Variants in UBE2E2 observed in about 807,000 individuals in gnomAD.
UBE2E2 encodes ubiquitin conjugating enzyme E2 E2, also known as ubiquitin-conjugating enzyme E2 E2.
Under a neutral mutation model 24.7 loss-of-function variants are expected in UBE2E2, and 6 were observed. That is an observed-to-expected ratio of 0.24 (90% CI 0.13 to 0.48). The LOEUF (loss-of-function observed/expected upper bound fraction) is 0.48. Ranked by LOEUF, UBE2E2 falls within the 20% of genes least tolerant of loss-of-function variation. UBE2E2 has a pLI of 0.99. For synonymous variants in UBE2E2, 104 were observed against 83.6 expected, an observed-to-expected ratio of 1.24 and a Z score of -1.33; for missense variants, 169 against 245.0, an observed-to-expected ratio of 0.69 and a Z score of 2.07.
At chr3:23,515,695 G>A (rs1326390205) in intron 4 of UBE2E2, among the ~76,000 whole-genome samples, 3 of 151,864 alleles carry the variant, frequency 2.0e-5, no homozygotes, top group Non-Finnish European at 4.4e-5. Context: ...AGTGGCTAAC[G>A]CCTATAATCC....
intron 3 of UBE2E2, among the ~76,000 whole-genome samples, chr3:23,353,126 A>G (rs1358245772): frequency 1.3e-5 from 2 of 152,262 alleles, no homozygotes; most frequent in Non-Finnish European, 2.9e-5. Flanking sequence ...AGAACCAAAG[A>G]CAAAAACCAC....
intron 3 of UBE2E2, among the ~76,000 whole-genome samples, chr3:23,244,815 T>C (rs575506489): frequency 7.9e-5 from 12 of 152,296 alleles, no homozygotes; most frequent in Non-Finnish European, 1.8e-4. Context: ...CTGAAATACT[T>C]TGAGCTCTTT....
At chr3:23,487,809 C>T (rs1485214846) in intron 3 of UBE2E2, among the ~76,000 whole-genome samples, 3 of 152,098 alleles carry the variant, frequency 2.0e-5, no homozygotes, top group Non-Finnish European at 4.4e-5. Context: ...AAAGATATTT[C>T]TTTATTATTC....
intron 5 of UBE2E2, among the ~76,000 whole-genome samples, chr3:23,555,662 A>G (rs1695759458): frequency 6.6e-6 from 1 of 152,214 alleles, no homozygotes; most frequent in South Asian, 2.1e-4. Flanking sequence ...ACATACATAC[A>G]TACATAAACA....
chr3:23,457,696 T>C (rs1217593503), intron 3 of UBE2E2, among the ~76,000 whole-genome samples: 1 of 152,214 alleles, frequency 6.6e-6, no homozygotes. Context: ...TTCTATTTTA[T>C]GTAGAGATGG....
intron 3 of UBE2E2, among the ~76,000 whole-genome samples, chr3:23,411,175 TC>T (rs1476235259): frequency 1.4e-4 from 22 of 152,288 alleles, no homozygotes; most frequent in African/African-American, 5.1e-4. Flanking sequence ...AGCATGCTCT[TC>T]CGCCTCAGTT....
chr3:23,337,522 G>T (rs1196290833), intron 3 of UBE2E2, among the ~76,000 whole-genome samples: 1 of 152,166 alleles, frequency 6.6e-6, no homozygotes, highest in Admixed American at 6.5e-5. Context: ...GAGAGATGCT[G>T]TGTGCTTTAG....
intron 3 of UBE2E2, among the ~76,000 whole-genome samples, chr3:23,288,339 G>A (rs192244911): frequency 6.6e-6 from 1 of 152,278 alleles, no homozygotes; most frequent in East Asian, 1.9e-4. Context: ...CTAATATATA[G>A]TCTATCCTTG....
chr3:23,340,708 C>T lies in UBE2E2; in HGVS notation c.227+123396C>T, dbSNP rs547212849. Among the ~76,000 whole-genome samples the T allele has an allele frequency of 2.0e-5, 3 of 152,194 alleles. 1 individual carries two copies. Among genetic ancestry groups the T allele is most frequent in the African/African-American group, 7.2e-5 (3 of 41,546 alleles). ...ATTAGAAATAAATTTCCTGATGTAG[C>T]CTGTAAGTCAGTCAAAACAGGGAAG... On this transcript the variant is annotated intron_variant, in intron 3 of 5. Coordinates refer to ENST00000396703, the MANE Select transcript of UBE2E2 (RefSeq NM_152653.4).
rs57094069 is a variant in UBE2E2 at position 23,358,527 on chromosome 3, T to C, written c.228-141081T>C. ...CTGCATCAAATATCAATAAGTACGT[T>C]TGCAAAAAACTGAGCTGATAGTTGA... On this transcript the variant is annotated intron_variant, in intron 3 of 5. Transcript: ENST00000396703. Among the ~76,000 whole-genome samples, 86 of 152,274 alleles carry C rather than the reference T, an allele frequency of 5.6e-4. 2 individuals carry two copies. The East Asian group carries it at 0.015, about 27-fold the overall frequency.
At chr3:23,535,618 C>CTTTTTTTT (rs67901258) in intron 5 of UBE2E2, among the ~76,000 whole-genome samples, 3 of 86,028 alleles carry the variant, frequency 3.5e-5, no homozygotes, top group African/African-American at 4.7e-5. Context: ...ATAGAGCATT[C>CTTTTTTTT]TTTTTTTTTT....
intron 5 of UBE2E2, among the ~76,000 whole-genome samples, chr3:23,562,369 G>A (rs568346532): frequency 8.0e-4 from 122 of 152,238 alleles, no homozygotes; most frequent in Middle Eastern, 3.4e-3. Context: ...GCTGGATTAC[G>A]TTTATTGATT....
intron 3 of UBE2E2, among the ~76,000 whole-genome samples, chr3:23,478,890 A>ATT (rs1699193643): frequency 2.7e-5 from 1 of 37,144 alleles, no homozygotes; most frequent in African/African-American, 5.9e-5. Flanking sequence ...ATATATATAT[A>ATT]TATATATTTT....
intron 3 of UBE2E2, among the ~76,000 whole-genome samples, chr3:23,455,945 G>A (rs890432407): frequency 6.6e-6 from 1 of 152,170 alleles, no homozygotes; most frequent in African/African-American, 2.4e-5. Context: ...TTGTTTGGCA[G>A]TATTTTACCC....
At chr3:23,534,320 A>C in intron 5 of UBE2E2, 1 of 864,072 alleles carries the variant, frequency 1.2e-6, no homozygotes. Context: ...ACTTCTGTTC[A>C]GTGAACTAGT....
At chr3:23,216,771 G>A (rs1696487571) in intron 2 of UBE2E2, among the ~76,000 whole-genome samples, 1 of 152,070 alleles carries the variant, frequency 6.6e-6, no homozygotes, top group South Asian at 2.1e-4. Context: ...AAACTTCAAA[G>A]TCCCAACCTG....
Position 23,565,628 on chromosome 3 carries a change from T to C in UBE2E2, c.509-24106T>C, listed in dbSNP as rs558634838. ...TTGGGATTTCCACCTAGGGAGGTTA[T>C]AGGGGCCCTCTGGCTAAAGGGAAGT... On this transcript the variant is annotated intron_variant, in intron 5 of 5. Transcript: ENST00000396703. Among the ~76,000 whole-genome samples, 3 of 152,068 alleles carry C rather than the reference T, an allele frequency of 2.0e-5. No individual in the cohort carries two copies. In the East Asian group the frequency reaches 5.8e-4, roughly 29 times the overall value.
At chr3:23,315,291 T>C (rs766305926) in intron 3 of UBE2E2, among the ~76,000 whole-genome samples, 8 of 139,752 alleles carry the variant, frequency 5.7e-5, no homozygotes, top group Non-Finnish European at 9.1e-5. Context: ...GCCGATTTTC[T>C]AGGTGTGCTT....
intron 3 of UBE2E2, among the ~76,000 whole-genome samples, chr3:23,355,406 T>G (rs779132255): frequency 6.6e-5 from 10 of 152,094 alleles, no homozygotes; most frequent in Non-Finnish European, 1.2e-4. Context: ...AAGTCATGCT[T>G]CCTCTTATAT....
Sources: gnomAD v4.1 joint callset for allele counts (sites outside exome capture counted in the v4.1 genomes callset) on GRCh38, gnomAD v4.1.1 for gene constraint, MANE v1.5 for transcripts, NCBI Gene and HGNC (gene_info 2026-07-23, HGNC 2026-07-21) for gene names.